FHIP1A: variants seen among roughly 807,000 people sequenced by gnomAD.
FHIP1A encodes FHF complex subunit HOOK interacting protein 1A, also known as FHF complex subunit HOOK-interacting protein 1A.
A neutral mutation model predicts 88.6 loss-of-function variants in FHIP1A; 61 were observed. The observed-to-expected ratio is 0.69, with a 90% CI of 0.56 to 0.85. The LOEUF is 0.85. FHIP1A is among the 40% of genes least tolerant of loss of function. FHIP1A has a pLI of 0.00. For missense variants in FHIP1A, 1,154 were observed against 1,273.5 expected (o/e 0.91, Z 1.43); for synonymous variants, 478 against 496.0 (o/e 0.96, Z 0.48).
At chr4:151,464,018 C>T (rs948395546) in intron 2 of FHIP1A, among the ~76,000 whole-genome samples, 3 of 152,068 alleles carry the variant, frequency 2.0e-5, no homozygotes, top group Non-Finnish European at 2.9e-5. Context: ...GCCTCCTTAG[C>T]CAGTTTGATA....
intron 4 of FHIP1A, among the ~76,000 whole-genome samples, chr4:151,570,001 C>T (rs1456903948): frequency 2.0e-5 from 3 of 152,006 alleles, no homozygotes; most frequent in African/African-American, 7.3e-5. Flanking sequence ...CTTCCTGTCA[C>T]CTTCTGAGAT....
intron 7 of FHIP1A, among the ~76,000 whole-genome samples, chr4:151,596,516 C>T (rs765947724): frequency 2.6e-5 from 4 of 152,138 alleles, no homozygotes; most frequent in South Asian, 4.2e-4. Flanking sequence ...TTGCTCTTCT[C>T]GAGATGTATC....
At chr4:151,427,574 T>C (rs1441653604) in intron 1 of FHIP1A, among the ~76,000 whole-genome samples, 2 of 152,162 alleles carry the variant, frequency 1.3e-5, no homozygotes, top group African/African-American at 4.8e-5. Flanking sequence ...TCATACAATC[T>C]GTAAGGATGA....
At chr4:151,557,054 T>A (rs1433398862) in intron 3 of FHIP1A, among the ~76,000 whole-genome samples, 1 of 152,188 alleles carries the variant, frequency 6.6e-6, no homozygotes, top group African/African-American at 2.4e-5. Flanking sequence ...AGTCCCCATA[T>A]ATTGCAATTT....
intron 1 of FHIP1A, among the ~76,000 whole-genome samples, chr4:151,425,794 C>T (rs1733346032): frequency 6.6e-6 from 1 of 152,174 alleles, no homozygotes; most frequent in Non-Finnish European, 1.5e-5. Context: ...CATCTCTCTG[C>T]TCTGTCTTTG....
At chr4:151,582,337 G>A (rs1217873074) in intron 5 of FHIP1A, among the ~76,000 whole-genome samples, 2 of 151,852 alleles carry the variant, frequency 1.3e-5, no homozygotes, top group African/African-American at 4.8e-5. Flanking sequence ...ACTGCTCTGT[G>A]CATGTCATCT....
At chr4:151,544,682 G>C (rs1732418925) in intron 3 of FHIP1A, among the ~76,000 whole-genome samples, 1 of 152,102 alleles carries the variant, frequency 6.6e-6, no homozygotes, top group South Asian at 2.1e-4. Context: ...TGCAGTGTCT[G>C]GCTGTGTGGC....
intron 7 of FHIP1A, among the ~76,000 whole-genome samples, chr4:151,628,350 A>G (rs1432493651): frequency 1.3e-5 from 2 of 152,222 alleles, no homozygotes; most frequent in Admixed American, 6.5e-5. Flanking sequence ...AAGAAAGCTG[A>G]GCACCAATAA....
chr4:151,519,444 TCATTGTATGAATC>T (rs1731376344), intron 3 of FHIP1A, among the ~76,000 whole-genome samples: 1 of 152,170 alleles, frequency 6.6e-6, no homozygotes, highest in Admixed American at 6.5e-5. Context: ...GAGTACTATT[TCATTGTATGAATC>T]ACAGTTTCCT....
chr4:151,548,839 T>C (rs754660492), intron 3 of FHIP1A, among the ~76,000 whole-genome samples: 9 of 152,216 alleles, frequency 5.9e-5, no homozygotes, highest in Non-Finnish European at 1.3e-4. Context: ...AAAATACTTG[T>C]TCCCCGGTGC....
chr4:151,473,641 C>T (rs936541414), intron 2 of FHIP1A, among the ~76,000 whole-genome samples: 2 of 152,112 alleles, frequency 1.3e-5, no homozygotes, highest in African/African-American at 4.8e-5. Context: ...AAAGGGCAAA[C>T]TTATCAGGTT....
chr4:151,596,110 T>C (rs890425713), intron 7 of FHIP1A, among the ~76,000 whole-genome samples: 2 of 152,254 alleles, frequency 1.3e-5, no homozygotes, highest in Non-Finnish European at 1.5e-5. Context: ...ATGCAGTTTC[T>C]TCATAGTGTC....
intron 3 of FHIP1A, among the ~76,000 whole-genome samples, chr4:151,497,231 GTTAC>G (rs1195216641): frequency 6.6e-6 from 1 of 152,094 alleles, no homozygotes; most frequent in South Asian, 2.1e-4. Context: ...TTGATAGAAA[GTTAC>G]TTAAACTCTA....
At chr4:151,616,783 T>C (rs1735549249) in intron 7 of FHIP1A, among the ~76,000 whole-genome samples, 1 of 151,916 alleles carries the variant, frequency 6.6e-6, no homozygotes. Flanking sequence ...AGTCTCACTC[T>C]GTTGCCCAGG....
chr4:151,646,381 T>G (rs1736792604), intron 9 of FHIP1A, among the ~76,000 whole-genome samples, 177 bp from the exon 10 acceptor site: 1 of 152,208 alleles, frequency 6.6e-6, no homozygotes, highest in South Asian at 2.1e-4. Flanking sequence ...GAGGTTGTTC[T>G]TTCAGAAGAA....
At chr4:151,574,598 G>A (rs1042642634) in intron 4 of FHIP1A, among the ~76,000 whole-genome samples, 2 of 151,778 alleles carry the variant, frequency 1.3e-5, no homozygotes, top group African/African-American at 4.8e-5. Flanking sequence ...ATCTCTAATT[G>A]TTAATTGTTT....
rs578068429 is a variant in FHIP1A, at chr4:151,483,231, C to G, written c.-123+583C>G. On this transcript the variant is annotated intron_variant, in intron 3 of 13. Transcript: ENST00000435205. Reference sequence around the variant, plus strand: ...ATCTGTTAGTATTGTAGAAGAGTTCCTATGTTAATCAGAAACTTCCTTATT... The same window carrying G: ...ATCTGTTAGTATTGTAGAAGAGTTCGTATGTTAATCAGAAACTTCCTTATT... Among the ~76,000 whole-genome samples the G allele has an allele frequency of 2.6e-5, 4 of 151,560 alleles. No homozygotes were observed. The South Asian group carries it at 6.2e-4, about 24-fold the overall frequency.
intron 4 of FHIP1A, among the ~76,000 whole-genome samples, chr4:151,572,715 A>T (rs1161711215): frequency 6.6e-6 from 1 of 152,144 alleles, no homozygotes; most frequent in Admixed American, 6.5e-5. Flanking sequence ...ATTCCAAAGG[A>T]TTTGGAAGTA....
At chr4:151,622,263 A>C (rs1444266929) in intron 7 of FHIP1A, among the ~76,000 whole-genome samples, 1 of 152,134 alleles carries the variant, frequency 6.6e-6, no homozygotes, top group Non-Finnish European at 1.5e-5. Context: ...CTCCATCACC[A>C]CTTATTAAGA....
Sources: gnomAD v4.1 joint callset for allele counts (sites outside exome capture counted in the v4.1 genomes callset) on GRCh38, gnomAD v4.1.1 for gene constraint, MANE v1.5 for transcripts, NCBI Gene and HGNC (gene_info 2026-07-23, HGNC 2026-07-21) for gene names.